CDH18: variants seen among roughly 807,000 people sequenced by gnomAD.
CDH18 encodes the protein cadherin 18.
In CDH18, 31 loss-of-function variants were observed where a neutral mutation model predicts 67.9. The ratio of observed to expected loss-of-function variants is 0.46; its 90% confidence interval spans 0.34 to 0.62. The LOEUF (loss-of-function observed/expected upper bound fraction) is 0.62. CDH18 is among the 20% of genes least tolerant of loss of function. The pLI, the probability that CDH18 is intolerant of heterozygous loss-of-function variation, is 0.01. For synonymous variants in CDH18, 362 were observed against 347.2 expected (o/e 1.04, Z -0.48); for missense variants, 890 against 975.5 (o/e 0.91, Z 1.17).
rs189055901 is a variant in CDH18, at chr5:20,514,366, G to A, written c.-580+61096C>T. Among the ~76,000 whole-genome samples the A allele has an allele frequency of 3.9e-5, 6 of 152,190 alleles. No homozygotes were observed. The East Asian group carries it at 7.7e-4, about 20-fold the overall frequency. On this transcript the variant is annotated intron_variant, in intron 1 of 14. Coordinates refer to the CDH18 transcript ENST00000507958. Reference sequence around the variant, plus strand: ...CCAAGGGATCATCTTAGAAGAAGCCGCAGCTTCTTGTATCAGGTTGCTGGT... The same window carrying A: ...CCAAGGGATCATCTTAGAAGAAGCCACAGCTTCTTGTATCAGGTTGCTGGT...
At chr5:20,239,407 G>T (rs576866755) in intron 2 of CDH18, among the ~76,000 whole-genome samples, 1 of 152,296 alleles carries the variant, frequency 6.6e-6, no homozygotes, top group South Asian at 2.1e-4. Context: ...AGCAAGCCAA[G>T]ATCATGCTAC....
At chr5:20,004,400 C>T (rs1689777464) in intron 2 of CDH18, among the ~76,000 whole-genome samples, 2 of 152,208 alleles carry the variant, frequency 1.3e-5, no homozygotes, top group African/African-American at 4.8e-5. Flanking sequence ...AAATATCCAG[C>T]TCCTTCCATA....
chr5:19,974,164 C>A (rs1022273323), intron 2 of CDH18, among the ~76,000 whole-genome samples: 3 of 152,022 alleles, frequency 2.0e-5, no homozygotes, highest in African/African-American at 7.2e-5. Flanking sequence ...AAGGATCTTT[C>A]TCAGTTTTCA....
At chr5:20,418,746 A>G (rs1290974091) in intron 1 of CDH18, among the ~76,000 whole-genome samples, 1 of 152,118 alleles carries the variant, frequency 6.6e-6, no homozygotes, top group Non-Finnish European at 1.5e-5. Flanking sequence ...AAATATGCAT[A>G]TGAATATAGA....
At chr5:19,782,183 C>A (rs1176965444) in intron 3 of CDH18, among the ~76,000 whole-genome samples, 1 of 151,986 alleles carries the variant, frequency 6.6e-6, no homozygotes, top group African/African-American at 2.4e-5. Context: ...CTGGGGAGGC[C>A]TCAGGAGACT....
chr5:20,503,389 G>A (rs1298492079), intron 1 of CDH18, among the ~76,000 whole-genome samples: 1 of 151,814 alleles, frequency 6.6e-6, no homozygotes, highest in Non-Finnish European at 1.5e-5. Context: ...CAACTATTGT[G>A]TTAATATATT....
At chr5:20,055,126 T>C (rs1026117470) in intron 2 of CDH18, among the ~76,000 whole-genome samples, 1 of 152,332 alleles carries the variant, frequency 6.6e-6, no homozygotes, top group East Asian at 1.9e-4. Flanking sequence ...AATAAAGTTA[T>C]GATTTTATTT....
At chr5:19,823,004 G>A (rs1780037267) in intron 3 of CDH18, among the ~76,000 whole-genome samples, 1 of 152,158 alleles carries the variant, frequency 6.6e-6, no homozygotes, top group Non-Finnish European at 1.5e-5. Flanking sequence ...GATGTTCCTT[G>A]CTGAGAAAAA....
chr5:20,441,996 G>T (rs1265689018), intron 1 of CDH18, among the ~76,000 whole-genome samples: 1 of 151,848 alleles, frequency 6.6e-6, no homozygotes, highest in East Asian at 1.9e-4. Flanking sequence ...TGAAATATAA[G>T]CTTCATGATG....
intron 5 of CDH18, 59 bp downstream of exon 5, chr5:19,721,288 T>C (rs1766053140): frequency 1.4e-6 from 2 of 1,467,432 alleles, no homozygotes; most frequent in South Asian, 1.5e-5. Flanking sequence ...ATAAAAACCA[T>C]TGCTTTGCAA....
chr5:19,736,459 T>G (rs1768340054), intron 4 of CDH18, among the ~76,000 whole-genome samples: 1 of 152,204 alleles, frequency 6.6e-6, no homozygotes. Context: ...TTCTAGTAAA[T>G]TATTGATCTT....
intron 2 of CDH18, among the ~76,000 whole-genome samples, chr5:20,181,954 A>G (rs1221440012): frequency 6.6e-6 from 1 of 152,094 alleles, no homozygotes; most frequent in African/African-American, 2.4e-5. Context: ...CTCAAACTGC[A>G]CTTTTATATA....
At chr5:20,450,751 A>G (rs2150206507) in intron 1 of CDH18, among the ~76,000 whole-genome samples, 1 of 151,986 alleles carries the variant, frequency 6.6e-6, no homozygotes, top group East Asian at 1.9e-4. Flanking sequence ...ATATGAAAAA[A>G]CTCATTGCAT....
intron 2 of CDH18, among the ~76,000 whole-genome samples, chr5:20,018,235 A>T (rs1738058038): frequency 6.6e-6 from 1 of 152,204 alleles, no homozygotes; most frequent in Admixed American, 6.5e-5. Flanking sequence ...GTAAATCCAG[A>T]TTTCAACATA....
intron 2 of CDH18, among the ~76,000 whole-genome samples, chr5:19,972,175 T>C (rs1450749110): frequency 6.6e-6 from 1 of 152,076 alleles, no homozygotes; most frequent in East Asian, 1.9e-4. Flanking sequence ...GTTTGTTTAT[T>C]TTTAGCACAG....
chr5:20,328,889 T>A (rs1738882888), intron 1 of CDH18, among the ~76,000 whole-genome samples: 1 of 151,894 alleles, frequency 6.6e-6, no homozygotes, highest in South Asian at 2.1e-4. Flanking sequence ...GATGAGGGGG[T>A]AGGATCACCT....
intron 4 of CDH18, among the ~76,000 whole-genome samples, chr5:19,724,817 T>C (rs1370668377): frequency 2.0e-5 from 3 of 152,288 alleles, no homozygotes; most frequent in Non-Finnish European, 4.4e-5. Flanking sequence ...ACCGCTAACC[T>C]TTCTGGCTTG....
intron 1 of CDH18, among the ~76,000 whole-genome samples, chr5:20,484,068 A>G (rs1212232138): frequency 6.6e-6 from 1 of 151,950 alleles, no homozygotes; most frequent in Non-Finnish European, 1.5e-5. Flanking sequence ...ATATAAGAAT[A>G]AACAACTCTA....
intron 4 of CDH18, among the ~76,000 whole-genome samples, chr5:19,734,992 T>C (rs1229332120): frequency 6.6e-6 from 1 of 152,192 alleles, no homozygotes; most frequent in Non-Finnish European, 1.5e-5. Context: ...TGGGCTGGTG[T>C]GGCTTTGTTG....
Sources: gnomAD v4.1 joint callset for allele counts (sites outside exome capture counted in the v4.1 genomes callset) on GRCh38, gnomAD v4.1.1 for gene constraint, MANE v1.5 for transcripts, NCBI Gene and HGNC (gene_info 2026-07-23, HGNC 2026-07-21) for gene names.